The following GABRD variants were observed in gnomAD, a reference collection of about 807,000 sequenced individuals.
GABRD encodes the protein gamma-aminobutyric acid receptor subunit delta.
A neutral mutation model predicts 47.3 loss-of-function variants in GABRD; 25 were observed. The ratio of observed to expected loss-of-function variants is 0.53; its 90% CI spans 0.39 to 0.74. GABRD has a LOEUF of 0.74. Among genes scored for constraint, GABRD ranks in the 30% least tolerant of loss-of-function variants. The probability of loss-of-function intolerance (pLI) is 0.00; values close to 1 mark genes in which losing one functional copy is unlikely to be tolerated. For synonymous variants in GABRD, 314 were observed against 278.8 expected (o/e 1.13, Z -1.26); for missense variants, 497 against 643.4 (o/e 0.77, Z 2.46).
At position 2,022,843 on chromosome 1, in the gene GABRD, G is replaced by C. The variant is rs150155505; in HGVS notation, c.69-2099G>C. 6.9e-4 allele frequency among the ~76,000 whole-genome samples: 105 copies of C among 152,322 alleles called. 2 individuals carry two copies. The East Asian group carries it at 0.018, about 26-fold the overall frequency. On this transcript the variant is annotated intron_variant, in intron 1 of 8. Coordinates refer to ENST00000378585, the MANE Select transcript of GABRD (RefSeq NM_000815.5). ...CTCCAGCTGGCTCCTGCCAGAGTTG[G>C]GCCACCACAGTCGTCCAGGACAGAT...
chr1:2,024,688 G>C (rs960277460), intron 1 of GABRD: 1 of 348,156 alleles, frequency 2.9e-6, no homozygotes, highest in African/African-American at 2.1e-5. Context: ...AGCCAGGAGG[G>C]CTAAGTGGGC....
intron 1 of GABRD, 111 bp from the exon 2 acceptor site, chr1:2,024,831 C>T: frequency 1.3e-6 from 1 of 751,148 alleles, no homozygotes; most frequent in Non-Finnish European, 2.3e-6. Flanking sequence ...AGTGGCCCCC[C>T]ATGCCCTGGC....
rs1161071548 is a variant in GABRD, at chr1:2,029,776, G to T, written c.1059+14G>T. ...CCGAGGGCAGAGGTGAGGGCCTGGG[G>T]CCGAGCCAGGGACAGCACTGCTGGG... On this transcript the variant is annotated intron_variant, in intron 8 of 8. Coordinates refer to ENST00000378585, the MANE Select transcript of GABRD (RefSeq NM_000815.5). The T allele has an allele frequency of 1.9e-6, 3 of 1,607,196 alleles. No individual in the cohort carries two copies. In the African/African-American group the frequency reaches 4.0e-5, roughly 21 times the overall value.
In GABRD at chr1:2,025,580, C is replaced by T. The variant is rs1016544646; in HGVS notation, c.312C>T (p.His104=). Residue 104 remains histidine (H), a synonymous_variant, in exon 4 of 9, where the codon CAC becomes CAT. Transcript: ENST00000378585. ...GGGACAGCAGGCTCTCCTACAACCA[C>T]ACCAACGAGACCCTGGGTCTGGACA... ...SWRDSRLSYN[H]TNETLGLDSR... 1 of 1,613,100 alleles carries T rather than the reference C, an allele frequency of 6.2e-7. No individual in the cohort carries two copies. The highest frequency in any genetic ancestry group is 1.1e-5 in the South Asian group (1 of 91,090).
In GABRD at chr1:2,029,646, T is replaced by C; in HGVS notation, c.943T>C (p.Trp315Arg). 1 of 1,613,518 alleles carries C rather than the reference T, an allele frequency of 6.2e-7. No homozygotes were observed. Among genetic ancestry groups the C allele is most frequent in the African/African-American group, 1.3e-5 (1 of 75,058 alleles). The change falls in exon 8 of 9, where the codon TGG becomes CGG. Residue 315 changes from tryptophan to arginine, a missense_variant. Physicochemically the swap from Trp to Arg is moderately radical, Grantham distance 101. Around this residue, in one of 3 missense-constraint regions of GABRD, gnomAD observed 285 missense variants for 436.6 expected, o/e 0.65. Coordinates refer to ENST00000378585, the MANE Select transcript of GABRD (RefSeq NM_000815.5). The stretch of plus-strand genomic sequence containing the variant: ...CATCAAGGCACTGGACGTCTACTTC[T>C]GGATCTGCTATGTCTTCGTGTTTGC... The part of the protein sequence containing the change: ...SAIKALDVYF[W>R]ICYVFVFAAL...
chr1:2,027,065 G>C (rs1658947245), intron 4 of GABRD: 1 of 211,360 alleles, frequency 4.7e-6, no homozygotes, highest in Non-Finnish European at 9.6e-6. Flanking sequence ...GCTGAGGTGG[G>C]AGGATTACCC....
chr1:2,025,151 A>G (rs2102147265), intron 2 of GABRD, 97 bp downstream of exon 2: 12 of 1,297,940 alleles, frequency 9.2e-6, no homozygotes, highest in Non-Finnish European at 1.3e-5. Flanking sequence ...CCTCTAGGCA[A>G]GGAAGCCTGG....
intron 1 of GABRD, chr1:2,023,439 G>A (rs1341659967): frequency 6.6e-6 from 1 of 152,548 alleles, no homozygotes; most frequent in Non-Finnish European, 1.5e-5. Flanking sequence ...GGAGGCCAAG[G>A]GCTGTGGCCC....
chr1:2,027,694 C>T (rs1452425516), intron 5 of GABRD, 35 bp downstream of exon 5: 1 of 1,574,442 alleles, frequency 6.4e-7, no homozygotes, highest in African/African-American at 1.4e-5. Flanking sequence ...GGGGCTTCTC[C>T]AGCAGTGGAT....
At position 2,024,933 on chromosome 1, in the gene GABRD, C is replaced by T. The variant is rs755313388; in HGVS notation, c.69-9C>T. 1 of 1,598,506 alleles carries T rather than the reference C, an allele frequency of 6.3e-7. No individual in the cohort carries two copies. Among genetic ancestry groups the T allele is most frequent in the Admixed American group, 1.7e-5 (1 of 59,930 alleles). On this transcript the variant is annotated splice_polypyrimidine_tract_variant and intron_variant, in intron 1 of 8. Coordinates refer to ENST00000378585, the MANE Select transcript of GABRD (RefSeq NM_000815.5). ...CTGGCCTGTCTGACCGGTGGCTTTGCATCCCCAGAGCGATGAATGACATCG... is the reference window on the plus strand; with the variant it reads ...CTGGCCTGTCTGACCGGTGGCTTTGTATCCCCAGAGCGATGAATGACATCG...
chr1:2,025,302 C>CA (rs1262242397), intron 2 of GABRD, 32 bp from the exon 3 acceptor site: 1 of 1,612,256 alleles, frequency 6.2e-7, no homozygotes, highest in Non-Finnish European at 8.5e-7. Flanking sequence ...GGGCCGGCCT[C>CA]AGTCCTTCTT....
intron 1 of GABRD, chr1:2,023,412 C>T (rs1658834331): frequency 6.6e-6 from 1 of 152,254 alleles, no homozygotes; most frequent in South Asian, 2.1e-4. Flanking sequence ...GCCCAGGTCG[C>T]AGTCTCTGAG....
At position 2,025,715 on chromosome 1, in the gene GABRD, C is replaced by A. The variant is rs775338230; in HGVS notation, c.447C>A (p.Asp149Glu). The A allele has an allele frequency of 6.2e-7, 1 of 1,612,708 alleles. No individual in the cohort carries two copies. The highest frequency in any genetic ancestry group is 8.5e-7 in the Non-Finnish European group (1 of 1,179,964). ...ACAAGCTCATCCGGCTGCAGCCCGA[C>A]GGCGTGATCCTGTACAGCATCCGGT... is the stretch of plus-strand genomic sequence containing the variant. The part of the protein sequence containing the change: ...VENKLIRLQP[D>E]GVILYSIRIT... Residue 149 changes from aspartate (D) to glutamate (E), a missense_variant, in exon 4 of 9, where the codon GAC (aspartate) becomes GAA (glutamate). This residue lies in a region of GABRD where 285 missense variants were observed against 436.6 expected (regional missense o/e 0.65). Transcript: ENST00000378585.
Position 2,030,575 on chromosome 1 carries a change from C to T in GABRD, c.*293C>T, listed in dbSNP as rs894350322. The T allele has an allele frequency of 3.3e-5, 11 of 329,492 alleles. No individual in the cohort carries two copies. The South Asian group carries it at 7.1e-4, about 21-fold the overall frequency. The allele number at this position is 329,492 out of a possible 1,614,324, so 20.4% of individuals were successfully genotyped here. A position where few individuals can be genotyped will look rare whatever the true frequency, so the allele number is the denominator to read the frequency against. ...CCGGGGTCTGGGCCCTTCAGGGAGCCGCGGATTTTTATGTTCAGAAAGTGA... is the reference window on the plus strand; with the variant it reads ...CCGGGGTCTGGGCCCTTCAGGGAGCTGCGGATTTTTATGTTCAGAAAGTGA... On this transcript the variant is annotated 3_prime_UTR_variant, in exon 9 of 9. Coordinates refer to ENST00000378585, the MANE Select transcript of GABRD (RefSeq NM_000815.5).
chr1:2,027,964 C>T (rs1658973867), intron 5 of GABRD, 191 bp from the exon 6 acceptor site: 2 of 639,116 alleles, frequency 3.1e-6, no homozygotes, highest in African/African-American at 1.8e-5. Context: ...ATCTGTGTCC[C>T]ATCCACCTGC....
chr1:2,026,203 G>A (rs1429982061), intron 4 of GABRD, among the ~76,000 whole-genome samples: 1 of 152,170 alleles, frequency 6.6e-6, no homozygotes, highest in Non-Finnish European at 1.5e-5. Flanking sequence ...GTCTCTGTGG[G>A]TCTGCCCAGA....
rs1179087736 is a variant in GABRD, at chr1:2,028,221, A to G, written c.620A>G (p.Asp207Gly). The change falls in exon 6 of 9, where the codon GAC becomes GGC. Residue 207 changes from aspartate to glycine, a missense_variant. Asp to Gly is a moderately conservative substitution (Grantham distance 94). Around this residue, in one of 3 missense-constraint regions of GABRD, gnomAD observed 285 missense variants for 436.6 expected, o/e 0.65. Coordinates refer to ENST00000378585, the MANE Select transcript of GABRD (RefSeq NM_000815.5). The surrounding 1 kb of genome is among the most constrained non-coding windows in gnomAD (Gnocchi z 6.4). ...AGCCAGGAGCACATCCACGGGCTGG[A>G]CAAGCTGCAGCTGGCGCAGTTCACC... Reference protein sequence around the residue: ...SESQEHIHGLDKLQLAQFTIT... With the variant: ...SESQEHIHGLGKLQLAQFTIT... The G allele has an allele frequency of 6.2e-7, 1 of 1,612,506 alleles. No homozygotes were observed. The highest frequency in any genetic ancestry group is 1.3e-5 in the African/African-American group (1 of 75,016).
rs562124721 is a variant in GABRD, at chr1:2,025,647, G to T, written c.379G>T (p.Val127Leu). ...GCTGTGGCTGCCCGACACCTTCATC[G>T]TGAACGCCAAGTCGGCCTGGTTCCA... ...DKLWLPDTFIVNAKSAWFHDV... is the reference protein window; with the variant it reads ...DKLWLPDTFILNAKSAWFHDV... Residue 127 changes from valine to leucine, a missense_variant, in exon 4 of 9, where the codon GTG (valine) becomes TTG (leucine). By Grantham distance (32) the Val-to-Leu change is conservative. Coordinates refer to ENST00000378585, the MANE Select transcript of GABRD (RefSeq NM_000815.5). 4 of 1,613,056 alleles carry T rather than the reference G, an allele frequency of 2.5e-6. No individual in the cohort carries two copies. The highest frequency in any genetic ancestry group is 2.2e-5 in the East Asian group (1 of 44,886).
At chr1:2,020,564 C>G (rs926708320) in intron 1 of GABRD, among the ~76,000 whole-genome samples, 6 of 152,188 alleles carry the variant, frequency 3.9e-5, no homozygotes, top group African/African-American at 1.4e-4. Flanking sequence ...GGGGTCGGCA[C>G]TGCCCCTGGC....
Sources: gnomAD v4.1 joint callset for allele counts (sites outside exome capture counted in the v4.1 genomes callset) on GRCh38, gnomAD v4.1.1 for gene constraint, gnomAD v4.1.1 regional missense constraint, Gnocchi (gnomAD v3.1) non-coding constraint, MANE v1.5 for transcripts, NCBI Gene and HGNC (gene_info 2026-07-23, HGNC 2026-07-21) for gene names.